CNTNAP5: variants seen among roughly 807,000 people sequenced by gnomAD.
The protein encoded by CNTNAP5 is contactin-associated protein-like 5.
A neutral mutation model predicts 150.2 loss-of-function variants in CNTNAP5; 72 were observed. The ratio of observed to expected loss-of-function variants is 0.48; its 90% CI spans 0.40 to 0.58. CNTNAP5 has a LOEUF of 0.58. Among genes scored for constraint, CNTNAP5 ranks in the 20% least tolerant of loss-of-function variants. The pLI is 0.00. For missense variants in CNTNAP5, 1,636 were observed against 1,626.2 expected (o/e 1.01, Z -0.10); for synonymous variants, 672 against 619.8 (o/e 1.08, Z -1.25).
rs576197643 is a variant in CNTNAP5, at chr2:124,473,247, C to T, written c.919-1492C>T. Among the ~76,000 whole-genome samples the T allele has an allele frequency of 2.1e-3, 319 of 149,142 alleles. 3 individuals are homozygous for T. Among genetic ancestry groups the T allele is most frequent in the Middle Eastern group, 7.0e-3 (2 of 284 alleles). On this transcript the variant is annotated intron_variant, in intron 6 of 23. Transcript: ENST00000682447. ...GAAATATTCTGAAAATAGAAAACAACGGTGGGTTCTTGGAAAGAAAAATCA... is the reference window on the plus strand; with the variant it reads ...GAAATATTCTGAAAATAGAAAACAATGGTGGGTTCTTGGAAAGAAAAATCA...
chr2:124,151,106 T>A (rs1255098678), intron 1 of CNTNAP5, among the ~76,000 whole-genome samples: 1 of 152,068 alleles, frequency 6.6e-6, no homozygotes, highest in African/African-American at 2.4e-5. Flanking sequence ...GGATTTGACT[T>A]CCCAACTTAG....
At chr2:124,607,928 G>T (rs1677292800) in intron 11 of CNTNAP5, among the ~76,000 whole-genome samples, 1 of 152,194 alleles carries the variant, frequency 6.6e-6, no homozygotes, top group African/African-American at 2.4e-5. Context: ...GGCACAGATT[G>T]TGGCACTCCC....
intron 1 of CNTNAP5, among the ~76,000 whole-genome samples, chr2:124,112,701 T>C (rs1222171354): frequency 6.6e-6 from 1 of 152,078 alleles, no homozygotes; most frequent in Non-Finnish European, 1.5e-5. Flanking sequence ...AAAGTCCCCA[T>C]TATCACCTCC....
chr2:124,677,949 G>C (rs1678982348), intron 13 of CNTNAP5, among the ~76,000 whole-genome samples: 2 of 151,946 alleles, frequency 1.3e-5, no homozygotes, highest in Non-Finnish European at 2.9e-5. Flanking sequence ...GGAGTGGGCT[G>C]ACCTGGCTAA....
At chr2:124,836,108 G>A (rs965797900) in intron 19 of CNTNAP5, among the ~76,000 whole-genome samples, 1 of 152,132 alleles carries the variant, frequency 6.6e-6, no homozygotes, top group Admixed American at 6.6e-5. Flanking sequence ...AGAGAAGGTA[G>A]AAGGGAGAAA....
At chr2:124,643,535 G>A (rs911448310) in intron 12 of CNTNAP5, among the ~76,000 whole-genome samples, 1 of 152,134 alleles carries the variant, frequency 6.6e-6, no homozygotes, top group African/African-American at 2.4e-5. Flanking sequence ...ATATACAGGA[G>A]CAGCTATATT....
intron 12 of CNTNAP5, among the ~76,000 whole-genome samples, chr2:124,631,451 C>A (rs1307658575): frequency 6.6e-6 from 1 of 152,014 alleles, no homozygotes; most frequent in Non-Finnish European, 1.5e-5. Flanking sequence ...CTTTGACAAA[C>A]CTCACAAAAA....
intron 13 of CNTNAP5, among the ~76,000 whole-genome samples, chr2:124,667,285 T>C (rs1207899923): frequency 6.6e-6 from 1 of 152,220 alleles, no homozygotes; most frequent in Non-Finnish European, 1.5e-5. Context: ...CTCTGTGCAA[T>C]CTCAGAGGAT....
chr2:124,882,615 A>G (rs1408159811), intron 21 of CNTNAP5, among the ~76,000 whole-genome samples: 1 of 152,150 alleles, frequency 6.6e-6, no homozygotes, highest in Admixed American at 6.6e-5. Context: ...TGCTGTCTTC[A>G]TCAGAGAGAA....
intron 3 of CNTNAP5, among the ~76,000 whole-genome samples, chr2:124,363,152 A>G (rs935609671): frequency 5.3e-5 from 8 of 152,202 alleles, no homozygotes; most frequent in African/African-American, 1.7e-4. Flanking sequence ...GCTGGCTGTT[A>G]ATTAGCACAT....
rs200269843 is a variant in CNTNAP5, at chr2:124,707,018, G to GAGAAGAAGAAGAAGAAGAAGA, written c.2078-40208_2078-40188dup. ...GAAGAGGAAGAAGAAGGAGGAGGAGGAGAAGAAGAAGAAGAAGAAGAAGGA... is the reference window on the plus strand; with the variant it reads ...GAAGAGGAAGAAGAAGGAGGAGGAGGAGAAGAAGAAGAAGAAGAAGAAGAAGAAGAAGAAGAAGAAGAAGGA... On this transcript the variant is annotated intron_variant, in intron 13 of 23. Transcript: ENST00000682447. Among the ~76,000 whole-genome samples the GAGAAGAAGAAGAAGAAGAAGA allele has an allele frequency of 2.0e-3, 152 of 74,288 alleles. 2 individuals carry two copies. Among genetic ancestry groups the GAGAAGAAGAAGAAGAAGAAGA allele is most frequent in the African/African-American group, 8.3e-3 (147 of 17,720 alleles). The allele number at this position is 74,288 out of a possible 152,430, so 48.7% of individuals were successfully genotyped here.
At chr2:124,515,808 T>G (rs899360593) in intron 8 of CNTNAP5, among the ~76,000 whole-genome samples, 1 of 152,196 alleles carries the variant, frequency 6.6e-6, no homozygotes, top group African/African-American at 2.4e-5. Flanking sequence ...AGGGAATTCT[T>G]GTAAGGATTT....
chr2:124,031,993 A>G (rs1039261203), intron 1 of CNTNAP5, among the ~76,000 whole-genome samples: 2 of 152,184 alleles, frequency 1.3e-5, no homozygotes, highest in Non-Finnish European at 2.9e-5. Context: ...TTATTTTAGA[A>G]CTACAGTTTC....
At chr2:124,689,751 CTATT>C (rs1254469597) in intron 13 of CNTNAP5, among the ~76,000 whole-genome samples, 5 of 152,024 alleles carry the variant, frequency 3.3e-5, no homozygotes, top group Non-Finnish European at 7.4e-5. Context: ...ACTTCAATCT[CTATT>C]TATAATCTTC....
At chr2:124,708,897 T>C (rs1679748977) in intron 13 of CNTNAP5, among the ~76,000 whole-genome samples, 1 of 152,184 alleles carries the variant, frequency 6.6e-6, no homozygotes, top group Non-Finnish European at 1.5e-5. Flanking sequence ...CAGAGAAGCT[T>C]GAGAAATGTG....
At chr2:124,060,169 C>T (rs927943366) in intron 1 of CNTNAP5, among the ~76,000 whole-genome samples, 6 of 152,114 alleles carry the variant, frequency 3.9e-5, no homozygotes, top group Non-Finnish European at 1.5e-5. Flanking sequence ...ATCGATGACT[C>T]CACAGAGCGT....
intron 1 of CNTNAP5, among the ~76,000 whole-genome samples, chr2:124,112,973 A>G (rs778016430): frequency 1.1e-4 from 17 of 152,232 alleles, no homozygotes; most frequent in Non-Finnish European, 2.4e-4. Flanking sequence ...CACAATAGAA[A>G]GAATACCTAA....
intron 3 of CNTNAP5, among the ~76,000 whole-genome samples, chr2:124,255,958 CA>C (rs1260600404): frequency 6.6e-6 from 1 of 152,042 alleles, no homozygotes; most frequent in Non-Finnish European, 1.5e-5. Flanking sequence ...TGACAAGTCA[CA>C]AGATTGTTTG....
At chr2:124,325,305 A>ACATGTGTT (rs1413930213) in intron 3 of CNTNAP5, among the ~76,000 whole-genome samples, 18 of 152,204 alleles carry the variant, frequency 1.2e-4, no homozygotes, top group Admixed American at 9.8e-4. Flanking sequence ...TGTGAGAAAT[A>ACATGTGTT]CATGTGTTTT....
Sources: gnomAD v4.1 joint callset for allele counts (sites outside exome capture counted in the v4.1 genomes callset) on GRCh38, gnomAD v4.1.1 for gene constraint, MANE v1.5 for transcripts, NCBI Gene and HGNC (gene_info 2026-07-23, HGNC 2026-07-21) for gene names.